Variants in EPB41L5 observed in about 807,000 individuals in gnomAD.
EPB41L5 encodes the protein band 4.1-like protein 5.
A neutral mutation model predicts 106.6 loss-of-function variants in EPB41L5; 55 were observed. That is an observed-to-expected ratio of 0.52 (90% CI 0.42 to 0.65). The LOEUF (loss-of-function observed/expected upper bound fraction) is 0.65, where lower values mean the gene tolerates loss of function less well. EPB41L5 is among the 30% of genes least tolerant of loss of function. EPB41L5 has a pLI of 0.00. For synonymous variants in EPB41L5, 297 were observed against 306.7 expected, an observed-to-expected ratio of 0.97 and a Z score of 0.33; for missense variants, 871 against 882.1, an observed-to-expected ratio of 0.99 and a Z score of 0.16.
chr2:120,039,618 G>A lies in EPB41L5; in HGVS notation c.181-2388G>A, dbSNP rs558271151. Among the ~76,000 whole-genome samples, 4 of 152,114 alleles carry A rather than the reference G, an allele frequency of 2.6e-5. No homozygotes were observed. The South Asian group carries it at 8.3e-4, about 32-fold the overall frequency. On this transcript the variant is annotated intron_variant, in intron 2 of 24. Coordinates refer to ENST00000263713, the MANE Select transcript of EPB41L5 (RefSeq NM_020909.4). ...AGTTGGGCGGATCACCTGAGGTCGG[G>A]AGTTCGAGACCAGCCTGACCAACAT...
At chr2:120,112,128 T>TC (rs1172278122) in intron 16 of EPB41L5, among the ~76,000 whole-genome samples, 1 of 152,210 alleles carries the variant, frequency 6.6e-6, no homozygotes, top group East Asian at 1.9e-4. Flanking sequence ...CTTTATTTTT[T>TC]CTCACTCCTT....
chr2:120,111,459 G>T (rs1318737140), intron 16 of EPB41L5, among the ~76,000 whole-genome samples: 15 of 152,150 alleles, frequency 9.9e-5, no homozygotes, highest in Non-Finnish European at 2.2e-4. Context: ...GTGAGGTCCA[G>T]CAATCTGTTT....
chr2:120,077,638 G>A (rs1034491), intron 9 of EPB41L5, among the ~76,000 whole-genome samples: 104,581 of 152,034 alleles, frequency 0.69, 37,549 homozygotes, highest in Non-Finnish European at 0.79. Context: ...TTTACTTCCT[G>A]TTATACGACT....
rs377400899 is a variant in EPB41L5, at chr2:120,075,179, A to G, written c.408-297A>G. 1.6e-4 allele frequency among the ~76,000 whole-genome samples: 25 copies of G among 152,328 alleles called. 1 individual carries two copies. In the East Asian group the frequency reaches 1.9e-3, roughly 12 times the overall value. On this transcript the variant is annotated intron_variant, in intron 5 of 24. Transcript: ENST00000263713. ...AGTGTTAGATCAGTAGGGTGATTATAGTTTACAATTACGTATTTTACATTT... is the reference window on the plus strand; with the variant it reads ...AGTGTTAGATCAGTAGGGTGATTATGGTTTACAATTACGTATTTTACATTT...
chr2:120,103,232 C>T (rs1449591158), intron 16 of EPB41L5, among the ~76,000 whole-genome samples: 1 of 152,172 alleles, frequency 6.6e-6, no homozygotes, highest in East Asian at 1.9e-4. Flanking sequence ...GCTGCCCTTT[C>T]TGCCATGTCA....
intron 20 of EPB41L5, among the ~76,000 whole-genome samples, chr2:120,148,869 A>T (rs1281776053): frequency 6.6e-6 from 1 of 152,158 alleles, no homozygotes; most frequent in African/African-American, 2.4e-5. Context: ...TCCTTAGTAT[A>T]TACCTAGGAG....
Position 120,160,975 on chromosome 2 carries a change from GTAAGAATAC to G in EPB41L5, c.1887+3_1887+11del, listed in dbSNP as rs764821620. 6.2e-7 allele frequency: 1 copy of G among 1,611,494 alleles called. No individual in the cohort carries two copies. Among genetic ancestry groups the G allele is most frequent in the Non-Finnish European group, 8.5e-7 (1 of 1,177,816 alleles). On this transcript the variant is annotated splice_donor_variant and splice_donor_5th_base_variant and intron_variant, in intron 21 of 24. Transcript: ENST00000263713. LOFTEE classifies it high-confidence loss of function. ...TGCCGACAGTGGTTCTGTTCTAAAG[GTAAGAATAC>G]TTTTACTTCTTAAAATTTTTGCCAA...
intron 2 of EPB41L5, among the ~76,000 whole-genome samples, chr2:120,022,403 A>G (rs560483960): frequency 6.7e-6 from 1 of 148,780 alleles, no homozygotes; most frequent in Non-Finnish European, 1.5e-5. Flanking sequence ...CTCATTGTTC[A>G]GCTCCCACTT....
At chr2:120,049,599 G>T (rs1307826347) in intron 3 of EPB41L5, among the ~76,000 whole-genome samples, 1 of 151,928 alleles carries the variant, frequency 6.6e-6, no homozygotes, top group Non-Finnish European at 1.5e-5. Context: ...AGTACACTGG[G>T]GGGTCTTGAC....
chr2:120,043,539 C>T (rs1038625579), intron 3 of EPB41L5, among the ~76,000 whole-genome samples: 2 of 150,146 alleles, frequency 1.3e-5, no homozygotes, highest in African/African-American at 4.9e-5. Flanking sequence ...AGAGCGAGAC[C>T]CTGTCTCAAA....
chr2:120,100,308 A>G lies in EPB41L5; in HGVS notation c.1221+22A>G, dbSNP rs763701471. ...ACAGGTAAGACAATACTAAGCTTCTAAAACACTGGATCACCCGTTAATTAT... is the reference window on the plus strand; with the variant it reads ...ACAGGTAAGACAATACTAAGCTTCTGAAACACTGGATCACCCGTTAATTAT... On this transcript the variant is annotated intron_variant, in intron 15 of 24. Transcript: ENST00000263713. 8 of 1,607,570 alleles carry G rather than the reference A, an allele frequency of 5.0e-6. No homozygotes were observed. The African/African-American group carries it at 5.4e-5, about 11-fold the overall frequency.
chr2:120,153,230 G>A (rs373551644), intron 20 of EPB41L5, among the ~76,000 whole-genome samples: 15 of 151,678 alleles, frequency 9.9e-5, no homozygotes, highest in African/African-American at 3.4e-4. Flanking sequence ...AATTTCCCTT[G>A]TGATTTCTTC....
chr2:120,174,468 GAAA>G, intron 24 of EPB41L5, among the ~76,000 whole-genome samples: 1 of 147,406 alleles, frequency 6.8e-6, no homozygotes, highest in African/African-American at 2.5e-5. Context: ...CCGTCTCACA[GAAA>G]AAAAAAAAGG....
rs1183406918 is a variant in EPB41L5, at chr2:120,176,938, A to G, written c.*2031A>G. ...TTGGATACCTGTATTCTTGACAGTTAGAATATTGGTAGGGACTTTGTTAAA... is the reference window on the plus strand; with the variant it reads ...TTGGATACCTGTATTCTTGACAGTTGGAATATTGGTAGGGACTTTGTTAAA... On this transcript the variant is annotated 3_prime_UTR_variant, in exon 25 of 25. Coordinates refer to ENST00000263713, the MANE Select transcript of EPB41L5 (RefSeq NM_020909.4). The G allele has an allele frequency of 1.3e-5, 2 of 152,234 alleles. No individual in the cohort carries two copies. Among genetic ancestry groups the G allele is most frequent in the Non-Finnish European group, 2.9e-5 (2 of 68,036 alleles). 9.4% of individuals were successfully genotyped at this position (152,234 alleles called of 1,614,324 possible).
chr2:120,077,623 T>C (rs1682339198), intron 9 of EPB41L5, among the ~76,000 whole-genome samples: 2 of 152,204 alleles, frequency 1.3e-5, no homozygotes, highest in Non-Finnish European at 1.5e-5. Flanking sequence ...CCATTTGTTA[T>C]CCTTTTTACT....
At chr2:120,044,054 C>T (rs1305474544) in intron 3 of EPB41L5, among the ~76,000 whole-genome samples, 3 of 150,464 alleles carry the variant, frequency 2.0e-5, no homozygotes, top group Non-Finnish European at 4.4e-5. Context: ...GTGGGAGGAT[C>T]GCATGAGCCC....
chr2:120,022,572 C>T (rs1041348664), intron 2 of EPB41L5, among the ~76,000 whole-genome samples: 3 of 152,158 alleles, frequency 2.0e-5, no homozygotes, highest in Non-Finnish European at 4.4e-5. Flanking sequence ...TTTCTTTATC[C>T]AGTCTATCAT....
chr2:120,061,394 T>C (rs1681061367), intron 3 of EPB41L5, among the ~76,000 whole-genome samples: 1 of 151,324 alleles, frequency 6.6e-6, no homozygotes, highest in Non-Finnish European at 1.5e-5. Context: ...GGCTAATTTT[T>C]TTGTATTTTT....
At chr2:120,105,710 T>C (rs918171583) in intron 16 of EPB41L5, 17 of 985,416 alleles carry the variant, frequency 1.7e-5, no homozygotes, top group Middle Eastern at 5.2e-4. Flanking sequence ...TTTAAGCCCA[T>C]CATCGTTTAG....
Sources: gnomAD v4.1 joint callset for allele counts (sites outside exome capture counted in the v4.1 genomes callset) on GRCh38, gnomAD v4.1.1 for gene constraint, MANE v1.5 for transcripts, NCBI Gene and HGNC (gene_info 2026-07-23, HGNC 2026-07-21) for gene names.